Variants in CCDC171 observed in about 807,000 individuals in gnomAD.
CCDC171 encodes the protein coiled-coil domain containing 171, also known as coiled-coil domain-containing protein 171.
CCDC171 carries 177 observed loss-of-function variants against 168.2 expected under a neutral mutation model. The ratio of observed to expected loss-of-function variants is 1.05; its 90% confidence interval spans 0.93 to 1.19. CCDC171 has a LOEUF of 1.19. Ranked by LOEUF, CCDC171 falls within the 50% of genes most tolerant of loss-of-function variation. The pLI, the probability that CCDC171 is intolerant of heterozygous loss-of-function variation, is 0.00. For missense variants in CCDC171, 1,991 were observed against 1,539.0 expected (o/e 1.29, Z -4.91); for synonymous variants, 687 against 540.8 (o/e 1.27, Z -3.75).
chr9:15,717,236 C>T (rs1048710496), intron 11 of CCDC171, among the ~76,000 whole-genome samples: 5 of 152,148 alleles, frequency 3.3e-5, no homozygotes, highest in Admixed American at 2.0e-4. Flanking sequence ...TGCCCTGTCA[C>T]AGTGGAAAGC....
At chr9:16,075,860 C>T in the CCDC171 span, among the ~76,000 whole-genome samples, 12 of 152,088 alleles carry the variant, frequency 7.9e-5, no homozygotes, top group African/African-American at 2.7e-4. Flanking sequence ...TAGCATAGCA[C>T]AGCACAGCAC....
chr9:16,098,841 G>A, the CCDC171 span, among the ~76,000 whole-genome samples: 7 of 152,336 alleles, frequency 4.6e-5, no homozygotes, highest in Middle Eastern at 3.4e-3. Context: ...TAAATTGGGA[G>A]TGGGGGAGCA....
intron 4 of CCDC171, among the ~76,000 whole-genome samples, chr9:15,588,862 C>T (rs1447490939): frequency 6.6e-6 from 1 of 151,970 alleles, no homozygotes; most frequent in Non-Finnish European, 1.5e-5. Context: ...TGCCCGCCAC[C>T]ACGCCCGGCT....
intron 21 of CCDC171, among the ~76,000 whole-genome samples, chr9:15,809,295 C>G (rs1423553758): frequency 6.6e-6 from 1 of 151,988 alleles, no homozygotes; most frequent in Non-Finnish European, 1.5e-5. Flanking sequence ...CAGCACTGTC[C>G]AATATGGTAA....
At chr9:15,682,786 A>C (rs2050127006) in intron 10 of CCDC171, among the ~76,000 whole-genome samples, 1 of 152,022 alleles carries the variant, frequency 6.6e-6, no homozygotes, top group South Asian at 2.1e-4. Context: ...GAAACTTGAC[A>C]GAATTTGACT....
intron 4 of CCDC171, chr9:15,587,576 A>G: frequency 6.6e-6 from 3 of 454,130 alleles, no homozygotes; most frequent in South Asian, 4.7e-5. Flanking sequence ...ATACAAAGCC[A>G]GGAGGAAGAA....
chr9:15,622,228 T>G (rs1176684950), intron 6 of CCDC171, among the ~76,000 whole-genome samples: 1 of 152,140 alleles, frequency 6.6e-6, no homozygotes, highest in African/African-American at 2.4e-5. Flanking sequence ...AACACATCCC[T>G]GTGACATGAG....
chr9:15,978,571 T>C (rs1831692259), downstream of CCDC171, among the ~76,000 whole-genome samples: 1 of 152,180 alleles, frequency 6.6e-6, no homozygotes, highest in Non-Finnish European at 1.5e-5. Flanking sequence ...TTCCTGAATA[T>C]GAAGTTAATC....
At chr9:15,896,417 C>T (rs1820907341) in intron 24 of CCDC171, among the ~76,000 whole-genome samples, 2 of 152,138 alleles carry the variant, frequency 1.3e-5, no homozygotes, top group African/African-American at 2.4e-5. Flanking sequence ...TTACATCCTT[C>T]AAAGATGGTG....
In CCDC171 at chr9:16,008,309, C is replaced by T. The variant is rs180861742; in HGVS notation, n.369-12280C>T. Among the ~76,000 whole-genome samples, 293 of 152,020 alleles carry T rather than the reference C, an allele frequency of 1.9e-3. 2 individuals carry two copies. Among genetic ancestry groups the T allele is most frequent in the African/African-American group, 6.2e-3 (259 of 41,450 alleles). On this transcript the variant is annotated intron_variant and non_coding_transcript_variant, in intron 3 of 9. Coordinates refer to the CCDC171 transcript ENST00000486641. ...TTTTGCATGTGGTTATCCTGGTATC[C>T]CTGCATTGTTTGTTAAAAAGACTCT... is the stretch of plus-strand genomic sequence containing the variant.
At chr9:15,810,442 G>C (rs2059292125) in intron 21 of CCDC171, among the ~76,000 whole-genome samples, 1 of 151,506 alleles carries the variant, frequency 6.6e-6, no homozygotes, top group Admixed American at 6.6e-5. Context: ...GCGCTGTGGA[G>C]CAGGGGGTGG....
At chr9:16,021,287 G>A (rs758371896) in intron 4 of CCDC171, among the ~76,000 whole-genome samples, 3 of 152,068 alleles carry the variant, frequency 2.0e-5, no homozygotes, top group African/African-American at 4.8e-5. Flanking sequence ...AGGGTTTCAC[G>A]ATGTTGGCCA....
intron 6 of CCDC171, among the ~76,000 whole-genome samples, chr9:15,608,987 TAA>T (rs68110531): frequency 4.1e-4 from 57 of 140,436 alleles, no homozygotes; most frequent in South Asian, 7.0e-4. Context: ...GGTTTTTTTT[TAA>T]AAAATATATT....
At chr9:15,773,215 T>G (rs2057105898) in intron 18 of CCDC171, among the ~76,000 whole-genome samples, 1 of 152,176 alleles carries the variant, frequency 6.6e-6, no homozygotes, top group South Asian at 2.1e-4. Flanking sequence ...TATGTAATGT[T>G]TTCAAGGGAC....
At chr9:15,939,264 T>TCTTA (rs1827452893) in intron 25 of CCDC171, among the ~76,000 whole-genome samples, 2 of 151,914 alleles carry the variant, frequency 1.3e-5, no homozygotes, top group South Asian at 4.1e-4. Flanking sequence ...CTTTTTAATA[T>TCTTA]CTTAGTTCAT....
At chr9:15,557,091 T>G (rs2038869565) in intron 1 of CCDC171, among the ~76,000 whole-genome samples, 1 of 152,174 alleles carries the variant, frequency 6.6e-6, no homozygotes, top group Non-Finnish European at 1.5e-5. Flanking sequence ...TTCTGTTCCA[T>G]TGGTCTATAT....
At chr9:15,698,520 CAAA>C (rs35301658) in intron 11 of CCDC171, among the ~76,000 whole-genome samples, 14 of 106,940 alleles carry the variant, frequency 1.3e-4, no homozygotes, top group African/African-American at 2.0e-4. Flanking sequence ...GACCCCGTCT[CAAA>C]AAAAAAAAAA....
intron 21 of CCDC171, among the ~76,000 whole-genome samples, chr9:15,785,666 G>T (rs528127874): frequency 6.6e-6 from 1 of 151,908 alleles, no homozygotes; most frequent in South Asian, 2.1e-4. Flanking sequence ...GATTATTCCT[G>T]TTTTATAAAT....
At chr9:16,087,445 A>G in the CCDC171 span, among the ~76,000 whole-genome samples, 3 of 151,632 alleles carry the variant, frequency 2.0e-5, no homozygotes, top group Non-Finnish European at 2.9e-5. Flanking sequence ...TAGGATAATT[A>G]GCTCTTCTTG....
Sources: allele counts gnomAD v4.1 joint callset (sites outside exome capture counted in the v4.1 genomes callset), GRCh38; gene constraint gnomAD v4.1.1; transcripts MANE v1.5; gene names NCBI Gene and HGNC (gene_info 2026-07-23, HGNC 2026-07-21).